Variants in ENTPD1 observed in about 807,000 individuals in gnomAD.
ENTPD1 encodes the protein ectonucleoside triphosphate diphosphohydrolase 1, also known as ATP diphosphohydrolase.
Under a neutral mutation model 57.0 loss-of-function variants are expected in ENTPD1, and 33 were observed. That is an observed-to-expected ratio of 0.58 (90% CI 0.44 to 0.77). ENTPD1 has a LOEUF of 0.77. Among genes scored for constraint, ENTPD1 ranks in the 30% least tolerant of loss-of-function variants. The pLI, the probability that ENTPD1 is intolerant of heterozygous loss-of-function variation, is 0.00. For missense variants in ENTPD1, 501 were observed against 603.4 expected, an observed-to-expected ratio of 0.83 and a Z score of 1.78; for synonymous variants, 202 against 218.8, an observed-to-expected ratio of 0.92 and a Z score of 0.68.
At position 95,867,057 on chromosome 10, in the gene ENTPD1, C is replaced by T. The variant is rs961296570; in HGVS notation, c.*674C>T. 1.2e-5 allele frequency: 12 copies of T among 988,008 alleles called. No individual in the cohort carries two copies. The highest frequency in any genetic ancestry group is 1.7e-5 in the African/African-American group (1 of 57,242). The allele number at this position is 988,008 out of a possible 1,614,324, so 61.2% of individuals were successfully genotyped here. A position where few individuals can be genotyped will look rare whatever the true frequency, so the allele number is the denominator to read the frequency against. On this transcript the variant is annotated 3_prime_UTR_variant, in exon 10 of 10. Coordinates refer to ENST00000371205, the MANE Select transcript of ENTPD1 (RefSeq NM_001776.6). ...CCCAAATGCTACAGAGTGGAACACT[C>T]AGACCTGAGATTTGCAAAAAGCAGA...
chr10:95,770,400 G>A (rs1288023252), intron 1 of ENTPD1, among the ~76,000 whole-genome samples: 1 of 152,074 alleles, frequency 6.6e-6, no homozygotes, highest in Non-Finnish European at 1.5e-5. Context: ...GGTAAAATAA[G>A]ATGAAACTGA....
chr10:95,853,159 T>C (rs921656130), intron 7 of ENTPD1, among the ~76,000 whole-genome samples: 3 of 152,224 alleles, frequency 2.0e-5, no homozygotes, highest in Non-Finnish European at 2.9e-5. Context: ...CCCTTGTAAG[T>C]TGGACTCCCA....
At position 95,721,828 on chromosome 10, in the gene ENTPD1, G is replaced by A. The variant is rs1019980922; in HGVS notation, c.37+9835G>A. Among the ~76,000 whole-genome samples, 9 of 152,192 alleles carry A rather than the reference G, an allele frequency of 5.9e-5. No individual in the cohort carries two copies. In the South Asian group the frequency reaches 8.3e-4, roughly 14 times the overall value. On this transcript the variant is annotated intron_variant, in intron 1 of 9. Transcript: ENST00000453258. ...GACCTCTGCTTATCGGGTTAGTTAC[G>A]CTTACCAAGTAGCAGTCCTGCACCC...
intron 1 of ENTPD1, among the ~76,000 whole-genome samples, chr10:95,734,777 A>T (rs2097992800): frequency 6.6e-6 from 1 of 152,182 alleles, no homozygotes. Context: ...CATCCTCCGG[A>T]TTATAGAGAC....
intron 1 of ENTPD1, among the ~76,000 whole-genome samples, chr10:95,804,533 A>G (rs1050217595): frequency 6.6e-6 from 1 of 152,182 alleles, no homozygotes; most frequent in Admixed American, 6.5e-5. Flanking sequence ...TGCACATTAA[A>G]TTTGTTTCCT....
chr10:95,835,880 T>G (rs1296545401), intron 2 of ENTPD1, among the ~76,000 whole-genome samples: 2 of 152,208 alleles, frequency 1.3e-5, no homozygotes, highest in African/African-American at 4.8e-5. Flanking sequence ...TTTGAGGACT[T>G]AGTCATAAAT....
chr10:95,845,936 A>T (rs886502133), intron 6 of ENTPD1: 8 of 287,202 alleles, frequency 2.8e-5, no homozygotes, highest in African/African-American at 1.7e-4. Context: ...CTTTTAGACC[A>T]CTTTTTAAAG....
chr10:95,732,406 C>G (rs1447262835), intron 1 of ENTPD1, among the ~76,000 whole-genome samples: 1 of 152,154 alleles, frequency 6.6e-6, no homozygotes, highest in Non-Finnish European at 1.5e-5. Context: ...AGCCATCTAA[C>G]CTACTTTGTT....
At position 95,875,962 on chromosome 10, in the gene ENTPD1, T is replaced by G; in HGVS notation, c.*9579T>G. On this transcript the variant is annotated 3_prime_UTR_variant, in exon 10 of 10. Coordinates refer to ENST00000371205, the MANE Select transcript of ENTPD1 (RefSeq NM_001776.6). The stretch of plus-strand genomic sequence containing the variant: ...TTTGGGTGGGGACACAGCCAAACCA[T>G]ATCAATGATTTTGTACTTTAACCAG... 1.0e-6 allele frequency: 1 copy of G among 985,398 alleles called. No homozygotes were observed. Among genetic ancestry groups the G allele is most frequent in the Non-Finnish European group, 1.2e-6 (1 of 829,914 alleles). The allele number at this position is 985,398 out of a possible 1,614,324, so 61.0% of individuals were successfully genotyped here. A position where few individuals can be genotyped will look rare whatever the true frequency, so the allele number is the denominator to read the frequency against.
intron 1 of ENTPD1, among the ~76,000 whole-genome samples, chr10:95,822,356 G>T (rs2140547393): frequency 6.6e-6 from 1 of 151,806 alleles, no homozygotes; most frequent in African/African-American, 2.4e-5. Flanking sequence ...GAGTGCAGTG[G>T]TGCGATCTTG....
chr10:95,749,313 C>T (rs920810635), intron 1 of ENTPD1, among the ~76,000 whole-genome samples: 2 of 152,172 alleles, frequency 1.3e-5, no homozygotes, highest in South Asian at 4.1e-4. Context: ...TTCATAGGGT[C>T]ATTATGACTA....
intron 2 of ENTPD1, among the ~76,000 whole-genome samples, chr10:95,831,019 C>T (rs1367864487): frequency 6.6e-6 from 1 of 152,040 alleles, no homozygotes; most frequent in Non-Finnish European, 1.5e-5. Flanking sequence ...CAGGCGAGGC[C>T]AGAATTAAGG....
rs1485819323 is a variant in ENTPD1 at position 95,845,420 on chromosome 10, G to A, written c.637G>A (p.Asp213Asn). 6.2e-7 allele frequency: 1 copy of A among 1,614,058 alleles called. No homozygotes were observed. Among genetic ancestry groups the A allele is most frequent in the Non-Finnish European group, 8.5e-7 (1 of 1,180,044 alleles). Residue 213 changes from aspartate (D) to asparagine (N), a missense_variant, in exon 6 of 10, where the codon GAC becomes AAC. Coordinates refer to ENST00000371205, the MANE Select transcript of ENTPD1 (RefSeq NM_001776.6). ...TNNQETFGAL[D>N]LGGASTQVTF... ...TAATCAGGAAACCTTTGGAGCTTTG[G>A]ACCTTGGGGGAGCCTCTACACAAGT...
At chr10:95,792,865 T>C (rs2098210943) in intron 1 of ENTPD1, among the ~76,000 whole-genome samples, 1 of 152,210 alleles carries the variant, frequency 6.6e-6, no homozygotes, top group Admixed American at 6.5e-5. Flanking sequence ...GTGCTCTGCA[T>C]TCATCTGAAT....
the ENTPD1 span, among the ~76,000 whole-genome samples, chr10:95,705,326 A>G: frequency 6.6e-6 from 1 of 151,842 alleles, no homozygotes; most frequent in East Asian, 1.9e-4. Context: ...TTAACAAAAG[A>G]CTTGTATGAC....
At chr10:95,858,282 A>G (rs190536526) in intron 7 of ENTPD1, among the ~76,000 whole-genome samples, 4 of 152,224 alleles carry the variant, frequency 2.6e-5, no homozygotes, top group Admixed American at 2.6e-4. Flanking sequence ...CAGAGGGAAT[A>G]GCAAGTGTAC....
chr10:95,811,091 C>T (rs982362194), intron 1 of ENTPD1, among the ~76,000 whole-genome samples: 4 of 152,212 alleles, frequency 2.6e-5, no homozygotes, highest in Admixed American at 1.3e-4. Flanking sequence ...ATGACCATAT[C>T]TTATCCAGAT....
chr10:95,722,293 T>A (rs542086260), intron 1 of ENTPD1, among the ~76,000 whole-genome samples: 99 of 151,658 alleles, frequency 6.5e-4, no homozygotes, highest in South Asian at 1.2e-3. Context: ...TTTTTTAATT[T>A]TTTATTTATT....
intron 1 of ENTPD1, among the ~76,000 whole-genome samples, chr10:95,735,139 C>A (rs1454728145): frequency 6.7e-6 from 1 of 148,984 alleles, no homozygotes; most frequent in Non-Finnish European, 1.5e-5. Context: ...TCAAGTGATT[C>A]TCTTGCCTCA....
Sources: allele counts gnomAD v4.1 joint callset (sites outside exome capture counted in the v4.1 genomes callset), GRCh38; gene constraint gnomAD v4.1.1; transcripts MANE v1.5; gene names NCBI Gene and HGNC (gene_info 2026-07-23, HGNC 2026-07-21).